PAICS: variants seen among roughly 807,000 people sequenced by gnomAD.
The protein encoded by PAICS is phosphoribosylaminoimidazole carboxylase and phosphoribosylaminoimidazolesuccinocarboxamide synthase.
In PAICS, 33 loss-of-function variants were observed where a neutral mutation model predicts 53.7. That is an observed-to-expected ratio of 0.61 (90% CI 0.47 to 0.82). The LOEUF is 0.82. Ranked by LOEUF, PAICS falls within the 40% of genes least tolerant of loss-of-function variation. The probability of loss-of-function intolerance (pLI) is 0.00; values close to 1 mark genes in which losing one functional copy is unlikely to be tolerated. For synonymous variants in PAICS, 141 were observed against 167.2 expected (o/e 0.84, Z 1.21); for missense variants, 394 against 494.1 (o/e 0.80, Z 1.92).
chr4:56,411,355 C>T, the PAICS span, among the ~76,000 whole-genome samples: 2 of 152,270 alleles, frequency 1.3e-5, no homozygotes, highest in African/African-American at 2.4e-5. Flanking sequence ...AATAAAAGCA[C>T]ATTTAAAATA....
At chr4:56,431,805 G>C (rs917369948), upstream of PAICS, among the ~76,000 whole-genome samples, 1 of 152,128 alleles carries the variant, frequency 6.6e-6, no homozygotes, top group Admixed American at 6.5e-5. Context: ...ATTCTAAGAA[G>C]GGGTGTCTGG....
intron 8 of PAICS, among the ~76,000 whole-genome samples, chr4:56,455,470 A>G (rs1227711659): frequency 6.6e-6 from 1 of 152,034 alleles, no homozygotes; most frequent in Non-Finnish European, 1.5e-5. Flanking sequence ...CCCCTTTACC[A>G]TAATTTTGGA....
intron 6 of PAICS, 136 bp downstream of exon 6, chr4:56,450,838 G>C: frequency 1.7e-6 from 1 of 603,396 alleles, no homozygotes; most frequent in East Asian, 2.9e-5. Context: ...TTTTTTTTGA[G>C]ACGGAGTCTT....
chr4:56,434,106 A>C (rs891244919), upstream of PAICS, among the ~76,000 whole-genome samples: 4 of 152,212 alleles, frequency 2.6e-5, no homozygotes, highest in East Asian at 7.7e-4. Context: ...TAAAAAAAAC[A>C]AGAAATCTAT....
the PAICS span, among the ~76,000 whole-genome samples, chr4:56,424,853 C>A: frequency 6.6e-6 from 1 of 152,190 alleles, no homozygotes. Flanking sequence ...TGTATTCCCG[C>A]AAGCCACTGC....
Position 56,453,609 on chromosome 4 carries a change from G to T in PAICS, c.959G>T (p.Gly320Val), listed in dbSNP as rs760696805. 4.4e-6 allele frequency: 7 copies of T among 1,590,024 alleles called. No homozygotes were observed. Among genetic ancestry groups the T allele is most frequent in the Admixed American group, 3.5e-5 (2 of 57,774 alleles). The change falls in exon 8 of 9, where the codon GGC (glycine) becomes GTC (valine). Residue 320 changes from glycine to valine, a missense_variant. Coordinates refer to ENST00000512576, the MANE Select transcript of PAICS (RefSeq NM_001079524.2). ...LRIKAEYEGD[G>V]IPTVFVAVAG... ...ACTCTTGTCATTTCCCTAGGGGATG[G>T]CATTCCTACTGTATTTGTGGCAGTG...
At chr4:56,455,234 G>C (rs1042158700) in intron 8 of PAICS, among the ~76,000 whole-genome samples, 1 of 152,146 alleles carries the variant, frequency 6.6e-6, no homozygotes, top group Admixed American at 6.5e-5. Flanking sequence ...ACAGTGTTGT[G>C]GTTCGTTCAT....
intron 2 of PAICS, among the ~76,000 whole-genome samples, chr4:56,445,494 G>A (rs1718566403): frequency 6.6e-6 from 1 of 152,068 alleles, no homozygotes; most frequent in South Asian, 2.1e-4. Context: ...GGCTGAGGCA[G>A]GAGAATCTCT....
At chr4:56,451,265 C>T (rs1476306100) in intron 6 of PAICS, 1 of 152,906 alleles carries the variant, frequency 6.5e-6, no homozygotes, top group Non-Finnish European at 1.5e-5. Context: ...CTCCTCCCTA[C>T]CCCGTAGGAG....
At chr4:56,449,662 G>A (rs1718797675) in intron 5 of PAICS, among the ~76,000 whole-genome samples, 1 of 151,992 alleles carries the variant, frequency 6.6e-6, no homozygotes, top group Non-Finnish European at 1.5e-5. Flanking sequence ...CACACACCAT[G>A]GAATACTATG....
chr4:56,438,371 T>TTATATATATATATATATATATATATA (rs61681463), intron 1 of PAICS, among the ~76,000 whole-genome samples: 1 of 113,636 alleles, frequency 8.8e-6, no homozygotes, highest in Non-Finnish European at 1.9e-5. Flanking sequence ...TGCAATGTGT[T>TTATATATATATATATATATATATATA]TATATATATA....
the PAICS span, chr4:56,414,099 T>C: frequency 6.6e-6 from 1 of 152,198 alleles, no homozygotes; most frequent in Non-Finnish European, 1.5e-5. Context: ...TGCCTTATGA[T>C]TTATTTGATC....
chr4:56,453,516 T>C lies in PAICS; in HGVS notation c.953-87T>C, dbSNP rs551040465. ...AAGGACCTCAAGTAATTAAAACATA[T>C]AGGCCTTAAACCAAAAAAAAAAAAA... On this transcript the variant is annotated intron_variant, in intron 7 of 8. Transcript: ENST00000512576. The C allele has an allele frequency of 1.0e-3, 820 of 790,644 alleles. 5 individuals are homozygous for C. The highest frequency in any genetic ancestry group is 1.2e-3 in the Non-Finnish European group (615 of 518,354). 49.0% of individuals were successfully genotyped at this position (790,644 alleles called of 1,614,324 possible).
At chr4:56,438,805 T>C (rs1718184958) in intron 1 of PAICS, among the ~76,000 whole-genome samples, 1 of 152,132 alleles carries the variant, frequency 6.6e-6, no homozygotes, top group African/African-American at 2.4e-5. Context: ...TCTTTAGATA[T>C]TTTACAATTT....
In PAICS at chr4:56,436,273, G is replaced by C. The variant is rs369922081; in HGVS notation, c.-40G>C. 7.2e-5 allele frequency: 114 copies of C among 1,588,840 alleles called. No individual in the cohort carries two copies. In the Middle Eastern group the frequency reaches 1.0e-3, roughly 14 times the overall value. ...CCCCTCTTTTCTAGAGTTCTGCCTCGCTTCCCGGCGCGGTCGCAGCCCTCA... is the reference window on the plus strand; with the variant it reads ...CCCCTCTTTTCTAGAGTTCTGCCTCCCTTCCCGGCGCGGTCGCAGCCCTCA... On this transcript the variant is annotated 5_prime_UTR_variant, in exon 1 of 9. Coordinates refer to ENST00000512576, the MANE Select transcript of PAICS (RefSeq NM_001079524.2).
intron 8 of PAICS, 58 bp downstream of exon 8, chr4:56,453,819 C>T: frequency 1.7e-6 from 2 of 1,211,392 alleles, no homozygotes; most frequent in Non-Finnish European, 2.4e-6. Flanking sequence ...AGATGCACAA[C>T]AGTAGACAGA....
intron 1 of PAICS, among the ~76,000 whole-genome samples, chr4:56,439,070 ATGT>A (rs1366925134): frequency 1.3e-5 from 2 of 152,042 alleles, no homozygotes; most frequent in East Asian, 3.8e-4. Flanking sequence ...GTTGTTTCTT[ATGT>A]TGTTTCTACC....
chr4:56,423,876 C>CA, the PAICS span, among the ~76,000 whole-genome samples: 1 of 151,986 alleles, frequency 6.6e-6, no homozygotes, highest in Non-Finnish European at 1.5e-5. Context: ...GGTACACCTG[C>CA]AATATATACC....
chr4:56,424,248 T>C, the PAICS span, among the ~76,000 whole-genome samples: 1 of 152,242 alleles, frequency 6.6e-6, no homozygotes, highest in Non-Finnish European at 1.5e-5. Flanking sequence ...CAGCTACAGC[T>C]GTAGACCCCT....
Sources: allele counts gnomAD v4.1 joint callset (sites outside exome capture counted in the v4.1 genomes callset), GRCh38; gene constraint gnomAD v4.1.1; transcripts MANE v1.5; gene names NCBI Gene and HGNC (gene_info 2026-07-23, HGNC 2026-07-21).